PTCHD4: variants seen among roughly 807,000 people sequenced by gnomAD.
PTCHD4 encodes patched domain-containing protein 4.
Under a neutral mutation model 58.1 loss-of-function variants are expected in PTCHD4, and 33 were observed. The ratio of observed to expected loss-of-function variants is 0.57; its 90% confidence interval spans 0.43 to 0.76. The LOEUF (loss-of-function observed/expected upper bound fraction) is 0.76, where lower values mean the gene tolerates loss of function less well. PTCHD4 is among the 30% of genes least tolerant of loss of function. The pLI, the probability that PTCHD4 is intolerant of heterozygous loss-of-function variation, is 0.00. For synonymous variants in PTCHD4, 478 were observed against 409.6 expected (o/e 1.17, Z -2.02); for missense variants, 1,058 against 1,027.1 (o/e 1.03, Z -0.41).
intron 4 of PTCHD4, among the ~76,000 whole-genome samples, chr6:47,955,811 G>C (rs1233004013): frequency 1.3e-5 from 2 of 152,192 alleles, no homozygotes; most frequent in Non-Finnish European, 2.9e-5. Context: ...AACACTGAGA[G>C]TGTGTGCATT....
At chr6:47,937,565 T>C (rs2113917888) in intron 4 of PTCHD4, among the ~76,000 whole-genome samples, 1 of 152,284 alleles carries the variant, frequency 6.6e-6, no homozygotes, top group Admixed American at 6.5e-5. Flanking sequence ...AGATGTCCAT[T>C]AGGCATCAAA....
At chr6:47,946,888 G>A (rs556804525) in intron 4 of PTCHD4, among the ~76,000 whole-genome samples, 18 of 152,038 alleles carry the variant, frequency 1.2e-4, no homozygotes, top group Non-Finnish European at 2.1e-4. Context: ...CTGTCACCTA[G>A]GGTAGAGTGC....
intron 4 of PTCHD4, among the ~76,000 whole-genome samples, chr6:48,004,885 C>A (rs183090882): frequency 1.3e-5 from 2 of 152,208 alleles, no homozygotes; most frequent in Non-Finnish European, 2.9e-5. Flanking sequence ...CTACTGAACT[C>A]CAGCCTGGGT....
At chr6:48,040,201 G>T (rs957703023) in intron 3 of PTCHD4, among the ~76,000 whole-genome samples, 2 of 151,948 alleles carry the variant, frequency 1.3e-5, no homozygotes, top group Admixed American at 1.3e-4. Context: ...TAATAAGGTT[G>T]GTCTATCAAT....
chr6:47,899,694 C>A (rs774227185), intron 4 of PTCHD4: 183 of 304,976 alleles, frequency 6.0e-4, no homozygotes, highest in Non-Finnish European at 8.3e-4. Flanking sequence ...TAGTATACTA[C>A]AAAGTTGTGC....
chr6:47,899,739 C>G (rs1017922788), intron 4 of PTCHD4: 1 of 186,888 alleles, frequency 5.4e-6, no homozygotes, highest in Non-Finnish European at 1.0e-5. Flanking sequence ...AACATTTCAT[C>G]AACCTGAAAG....
chr6:48,037,201 T>G (rs1299149680), intron 3 of PTCHD4, among the ~76,000 whole-genome samples: 7 of 152,298 alleles, frequency 4.6e-5, no homozygotes, highest in African/African-American at 1.7e-4. Context: ...GAGAGCATAT[T>G]ATCAAAGCTT....
At position 48,016,463 on chromosome 6, in the gene PTCHD4, C is replaced by T. The variant is rs542719979; in HGVS notation, c.418-7349G>A. Among the ~76,000 whole-genome samples the T allele has an allele frequency of 2.0e-5, 3 of 152,060 alleles. No individual in the cohort carries two copies. The South Asian group carries it at 6.2e-4, about 32-fold the overall frequency. ...AAAGGAAAGAGCTCAGTTAGGAAGT[C>T]CCTGTAGTATTTCAGGTTCTTGATG... On this transcript the variant is annotated intron_variant, in intron 3 of 4. Transcript: ENST00000339488.
intron 1 of PTCHD4, among the ~76,000 whole-genome samples, chr6:48,079,117 C>CAAA (rs398001467): frequency 0.22 from 16,335 of 72,774 alleles, 1,147 homozygotes; most frequent in African/African-American, 0.26. Context: ...AATTCCATCA[C>CAAA]AAAAAAAAAA....
At chr6:47,885,844 A>AGTCTC (rs2114111926) in intron 4 of PTCHD4, among the ~76,000 whole-genome samples, 1 of 152,152 alleles carries the variant, frequency 6.6e-6, no homozygotes, top group African/African-American at 2.4e-5. Flanking sequence ...TTTGAGACGG[A>AGTCTC]GTCTCACTCT....
intron 3 of PTCHD4, among the ~76,000 whole-genome samples, chr6:48,062,603 G>A (rs935807976): frequency 2.0e-5 from 3 of 152,110 alleles, no homozygotes; most frequent in African/African-American, 7.2e-5. Context: ...CTAGGCCCCA[G>A]TGCCAAGCAA....
intron 3 of PTCHD4, among the ~76,000 whole-genome samples, chr6:48,051,832 A>AT (rs1308064382): frequency 1.3e-5 from 2 of 152,020 alleles, no homozygotes; most frequent in East Asian, 3.9e-4. Context: ...AGTAAAGCCC[A>AT]TTTTTTAAAA....
intron 4 of PTCHD4, among the ~76,000 whole-genome samples, chr6:47,914,778 A>G (rs896311290): frequency 4.0e-5 from 6 of 148,828 alleles, no homozygotes. Context: ...CTATCTATCT[A>G]TCTATCTATC....
At chr6:48,042,601 T>A (rs1188571538) in intron 3 of PTCHD4, among the ~76,000 whole-genome samples, 1 of 151,834 alleles carries the variant, frequency 6.6e-6, no homozygotes, top group African/African-American at 2.4e-5. Flanking sequence ...GAGAAACGGA[T>A]CAGAATGCCC....
Position 47,864,315 on chromosome 6 carries a change from T to TATATATAC in PTCHD4, c.*13987_*13988insGTATATAT, listed in dbSNP as rs142961548. Among the ~76,000 whole-genome samples, 1 of 148,786 alleles carries TATATATAC rather than the reference T, an allele frequency of 6.7e-6. No individual in the cohort carries two copies. The highest frequency in any genetic ancestry group is 1.5e-5 in the Non-Finnish European group (1 of 67,052). Reference sequence around the variant, plus strand: ...GCCCATTATTTTTGAGATATATATATACACACACACACACATATATATATA... The same window carrying TATATATAC: ...GCCCATTATTTTTGAGATATATATATATATATACACACACACACACACATATATATATA... On this transcript the variant is annotated 3_prime_UTR_variant, in exon 5 of 5. Coordinates refer to ENST00000339488, the MANE Select transcript of PTCHD4 (RefSeq NM_001384253.1).
At chr6:47,920,081 CT>C (rs1455124508) in intron 4 of PTCHD4, among the ~76,000 whole-genome samples, 1 of 152,148 alleles carries the variant, frequency 6.6e-6, no homozygotes, top group Non-Finnish European at 1.5e-5. Context: ...TAATCCTTTA[CT>C]GTGTTAAGCT....
intron 3 of PTCHD4, among the ~76,000 whole-genome samples, chr6:48,052,088 G>A (rs1038337209): frequency 2.6e-5 from 4 of 152,018 alleles, no homozygotes; most frequent in Non-Finnish European, 5.9e-5. Flanking sequence ...CATCTCTTTT[G>A]AGAATAGTAT....
chr6:47,871,734 C>T lies in PTCHD4; in HGVS notation c.*6569G>A, dbSNP rs942952072. Among the ~76,000 whole-genome samples the T allele has an allele frequency of 6.6e-6, 1 of 151,554 alleles. No homozygotes were observed. Among genetic ancestry groups the T allele is most frequent in the Non-Finnish European group, 1.5e-5 (1 of 67,706 alleles). ...TTGCATGCCATTTTGTCTTTAAATA[C>T]CCTTATGAGGTAGCTTGGAGAGATC... is the stretch of plus-strand genomic sequence containing the variant. On this transcript the variant is annotated 3_prime_UTR_variant, in exon 5 of 5. Transcript: ENST00000339488.
rs2114092556 is a variant in PTCHD4, at chr6:47,877,665, T to C, written c.*638A>G. 6.6e-6 allele frequency among the ~76,000 whole-genome samples: 1 copy of C among 152,138 alleles called. No homozygotes were observed. The highest frequency in any genetic ancestry group is 1.5e-5 in the Non-Finnish European group (1 of 67,970). On this transcript the variant is annotated 3_prime_UTR_variant, in exon 5 of 5. Transcript: ENST00000339488. ...AACGGCTATTAATGAATCTATAAAT[T>C]TGGCTAAGGTTGATTTGACTTTCTA...
Sources: gnomAD v4.1 joint callset for allele counts (sites outside exome capture counted in the v4.1 genomes callset) on GRCh38, gnomAD v4.1.1 for gene constraint, MANE v1.5 for transcripts, NCBI Gene and HGNC (gene_info 2026-07-23, HGNC 2026-07-21) for gene names.